TSC1: variants seen among roughly 807,000 people sequenced by gnomAD.
TSC1 encodes the protein hamartin.
A neutral mutation model predicts 124.3 loss-of-function variants in TSC1; 20 were observed. That is an observed-to-expected ratio of 0.16 (90% CI 0.11 to 0.23). TSC1 has a LOEUF of 0.23. Ranked by LOEUF, TSC1 falls within the 10% of genes least tolerant of loss-of-function variation. The probability of loss-of-function intolerance (pLI) is 1.00; values close to 1 mark genes in which losing one functional copy is unlikely to be tolerated. For missense variants in TSC1, 1,124 were observed against 1,448.5 expected (o/e 0.78, Z 3.64); for synonymous variants, 493 against 539.1 (o/e 0.91, Z 1.19).
Position 132,921,698 on chromosome 9 carries a change from C to A in TSC1, c.663+121G>T. ...AGTGGCTGCCTAGGGATTGGAGTGG[C>A]GAGGAAGAAAACTGAATTTCTTTTC... On this transcript the variant is annotated intron_variant, in intron 7 of 22. Coordinates refer to ENST00000298552, the MANE Select transcript of TSC1 (RefSeq NM_000368.5). This position sits in a 1 kb window ranked among gnomAD's most constrained non-coding sequence, Gnocchi z 4.3. 1 of 1,353,796 alleles carries A rather than the reference C, an allele frequency of 7.4e-7. No homozygotes were observed. The allele number at this position is 1,353,796 out of a possible 1,614,324, so 83.9% of individuals were successfully genotyped here.
rs1240806849 is a variant in TSC1 at position 132,910,557 on chromosome 9, G to A, written c.1263+14C>T. 31 of 1,613,860 alleles carry A rather than the reference G, an allele frequency of 1.9e-5. No individual in the cohort carries two copies. Among genetic ancestry groups the A allele is most frequent in the Non-Finnish European group, 2.3e-5 (27 of 1,180,048 alleles). ...GTGCCTGGGCAGAGGGATAGCAGAC[G>A]AGCTGGATCGCACCTTCCTGGGGGG... is the stretch of plus-strand genomic sequence containing the variant. On this transcript the variant is annotated intron_variant, in intron 12 of 22. Transcript: ENST00000298552.
At chr9:132,937,794 G>A (rs192560256) in intron 1 of TSC1, among the ~76,000 whole-genome samples, 10 of 152,186 alleles carry the variant, frequency 6.6e-5, no homozygotes, top group Non-Finnish European at 1.0e-4. Context: ...GGTTCACTGC[G>A]ACCTTCGCCT....
intron 6 of TSC1, among the ~76,000 whole-genome samples, chr9:132,922,396 C>T (rs972682269): frequency 2.0e-5 from 3 of 152,288 alleles, no homozygotes; most frequent in Middle Eastern, 3.4e-3. Flanking sequence ...ACTTATTTCT[C>T]GGTGCTTTGC....
chr9:132,900,576 G>C (rs1223116849), intron 20 of TSC1, 139 bp downstream of exon 20: 1 of 1,415,264 alleles, frequency 7.1e-7, no homozygotes, highest in Non-Finnish European at 9.9e-7. Context: ...TTGTATAGCT[G>C]GACCACGGAG....
At chr9:132,905,299 G>A (rs946034030) in intron 15 of TSC1, among the ~76,000 whole-genome samples, 3 of 152,202 alleles carry the variant, frequency 2.0e-5, no homozygotes, top group Admixed American at 2.0e-4. Context: ...ACATATGAAA[G>A]CATTTGAGTG....
At chr9:132,899,091 T>C (rs540731260) in intron 20 of TSC1, 1 of 152,272 alleles carries the variant, frequency 6.6e-6, no homozygotes, top group South Asian at 2.1e-4. Context: ...CACACCTGGC[T>C]AATTTTTTGT....
Position 132,896,041 on chromosome 9 carries a change from G to A in TSC1, c.*194C>T. 1 of 738,472 alleles carries A rather than the reference G, an allele frequency of 1.4e-6. No homozygotes were observed. Among genetic ancestry groups the A allele is most frequent in the Non-Finnish European group, 2.3e-6 (1 of 432,792 alleles). The allele number at this position is 738,472 out of a possible 1,614,324, so 45.7% of individuals were successfully genotyped here. The stretch of plus-strand genomic sequence containing the variant: ...AGAGGGGGTTAGGGCGGGTGGAGGG[G>A]AAGGTCAAGAGGCATTTCAATGCCA... On this transcript the variant is annotated 3_prime_UTR_variant, in exon 23 of 23. Coordinates refer to ENST00000298552, the MANE Select transcript of TSC1 (RefSeq NM_000368.5). The surrounding 1 kb of genome is among the most constrained non-coding windows in gnomAD (Gnocchi z 4.5).
rs1564508012 is a variant in TSC1, at chr9:132,931,988, G to A, written c.-80-3036C>T. Among the ~76,000 whole-genome samples, 4 of 152,310 alleles carry A rather than the reference G, an allele frequency of 2.6e-5. No homozygotes were observed. The East Asian group carries it at 7.7e-4, about 29-fold the overall frequency. ...AGATTAGCACCACAGACACAAGGAA[G>A]CATCAGTGTGTTAGCCACAAAAGTC... On this transcript the variant is annotated intron_variant, in intron 2 of 22. Coordinates refer to ENST00000298552, the MANE Select transcript of TSC1 (RefSeq NM_000368.5).
rs2131817057 is a variant in TSC1, at chr9:132,905,706, A to G, written c.1872T>C (p.Thr624=). 1 of 1,614,164 alleles carries G rather than the reference A, an allele frequency of 6.2e-7. No individual in the cohort carries two copies. ...KTAHHFVIRK[T]EELLKKAKGN... is the part of the protein sequence containing the mutation. ...CTTTTGCTTTCTTTAACAGCTCCTCAGTCTTCCTGATGACAAAATGATGGG... is the reference window on the plus strand; with the variant it reads ...CTTTTGCTTTCTTTAACAGCTCCTCGGTCTTCCTGATGACAAAATGATGGG... Residue 624 remains threonine (T), a synonymous_variant, in exon 15 of 23, where the codon ACT becomes ACC. Coordinates refer to ENST00000298552, the MANE Select transcript of TSC1 (RefSeq NM_000368.5).
At chr9:132,909,702 T>C (rs1845843669) in intron 12 of TSC1, 1 of 152,266 alleles carries the variant, frequency 6.6e-6, no homozygotes. Context: ...ATGTGCCTTA[T>C]GCATATTTTC....
intron 4 of TSC1, 36 bp downstream of exon 4, chr9:132,927,165 G>A (rs1266726792): frequency 6.3e-7 from 1 of 1,599,014 alleles, no homozygotes; most frequent in East Asian, 2.2e-5. Flanking sequence ...TACTCATGAA[G>A]AACATATGAA....
chr9:132,942,610 C>CT (rs1847799289), intron 1 of TSC1, among the ~76,000 whole-genome samples: 1 of 152,152 alleles, frequency 6.6e-6, no homozygotes, highest in African/African-American at 2.4e-5. Context: ...CTGAAGCACT[C>CT]TAATTTTATG....
At position 132,906,682 on chromosome 9, in the gene TSC1, AG is replaced by A; in HGVS notation, c.1438+48del. The A allele has an allele frequency of 6.7e-7, 1 of 1,493,450 alleles. No homozygotes were observed. Among genetic ancestry groups the A allele is most frequent in the African/African-American group, 1.4e-5 (1 of 72,262 alleles). The allele number at this position is 1,493,450 out of a possible 1,614,324, so 92.5% of individuals were successfully genotyped here. On this transcript the variant is annotated intron_variant, in intron 14 of 22. Transcript: ENST00000298552. The surrounding 1 kb of genome is among the most constrained non-coding windows in gnomAD (Gnocchi z 4.1). ...TGGCACAAAATCCCAGATTTATAGCAGAGCGAGGGTCAGGTTTTATCAACTC... is the reference window on the plus strand; with the variant it reads ...TGGCACAAAATCCCAGATTTATAGCAAGCGAGGGTCAGGTTTTATCAACTC...
At chr9:132,910,192 T>C in intron 12 of TSC1, 1 of 432,648 alleles carries the variant, frequency 2.3e-6, no homozygotes, top group African/African-American at 2.0e-5. Flanking sequence ...TCCCAGCTAC[T>C]AGCGAGGCTG....
Position 132,895,671 on chromosome 9 carries a change from T to C in TSC1, c.*564A>G, listed in dbSNP as rs1296461497. ...AAGTATGAATAAACCGTTGTTCTTCTAGACCTGCTGCTTTAGATGCTGAAC... is the reference window on the plus strand; with the variant it reads ...AAGTATGAATAAACCGTTGTTCTTCCAGACCTGCTGCTTTAGATGCTGAAC... On this transcript the variant is annotated 3_prime_UTR_variant, in exon 23 of 23. Transcript: ENST00000298552. 1 of 240,490 alleles carries C rather than the reference T, an allele frequency of 4.2e-6. No homozygotes were observed. The highest frequency in any genetic ancestry group is 2.2e-5 in the African/African-American group (1 of 45,390). 14.9% of individuals were successfully genotyped at this position (240,490 alleles called of 1,614,324 possible). A position where few individuals can be genotyped will look rare whatever the true frequency, so the allele number is the denominator to read the frequency against.
intron 2 of TSC1, among the ~76,000 whole-genome samples, chr9:132,931,885 T>C (rs558756011): frequency 1.3e-5 from 2 of 152,098 alleles, no homozygotes; most frequent in Admixed American, 1.3e-4. Flanking sequence ...TCAGGGGTGG[T>C]GGTAGTGGTG....
At chr9:132,928,262 A>C in intron 3 of TSC1, among the ~76,000 whole-genome samples, 1 of 152,176 alleles carries the variant, frequency 6.6e-6, no homozygotes. Flanking sequence ...AGATTCTTAT[A>C]AATGGCCCAA....
In TSC1 at chr9:132,911,540, C is replaced by A. The variant is rs144208203; in HGVS notation, c.942G>T (p.Thr314=). ...GCATATTTAACAACATCAGCCGAGA[C>A]GTGGAGTAAGGGGTAGAAGTAGCAC... ...YGCATSTPYS[T]SRLMLLNMPG... The change falls in exon 10 of 23, where the codon ACG becomes ACT. Residue 314 remains threonine (T), a synonymous_variant. Transcript: ENST00000298552. The A allele has an allele frequency of 6.3e-7, 1 of 1,596,320 alleles. No homozygotes were observed. Among genetic ancestry groups the A allele is most frequent in the Non-Finnish European group, 8.5e-7 (1 of 1,174,480 alleles).
At chr9:132,912,967 T>G in intron 8 of TSC1, 1 of 167,120 alleles carries the variant, frequency 6.0e-6, no homozygotes. Context: ...TGAGATGGGG[T>G]CTCACTCTAT....
Sources: gnomAD v4.1 joint callset for allele counts (sites outside exome capture counted in the v4.1 genomes callset) on GRCh38, gnomAD v4.1.1 for gene constraint, Gnocchi (gnomAD v3.1) non-coding constraint, MANE v1.5 for transcripts, NCBI Gene and HGNC (gene_info 2026-07-23, HGNC 2026-07-21) for gene names.